RAB27A: variants seen among roughly 807,000 people sequenced by gnomAD.
RAB27A encodes ras-related protein Rab-27A.
Under a neutral mutation model 20.8 loss-of-function variants are expected in RAB27A, and 17 were observed. The ratio of observed to expected loss-of-function variants is 0.82; its 90% CI spans 0.56 to 1.23. The LOEUF (loss-of-function observed/expected upper bound fraction) is 1.23, where lower values mean the gene tolerates loss of function less well. RAB27A is among the 50% of genes most tolerant of loss of function. RAB27A has a pLI of 0.00. For missense variants in RAB27A, 277 were observed against 266.7 expected (o/e 1.04, Z -0.27); for synonymous variants, 85 against 92.8 (o/e 0.92, Z 0.48).
At chr15:55,245,350 A>T (rs1224533286) in intron 2 of RAB27A, among the ~76,000 whole-genome samples, 1 of 152,240 alleles carries the variant, frequency 6.6e-6, no homozygotes, top group Non-Finnish European at 1.5e-5. Flanking sequence ...TTATAAACAA[A>T]GAGCTCATCT....
intron 5 of RAB27A, among the ~76,000 whole-genome samples, chr15:55,224,488 T>A (rs534154140): frequency 6.6e-6 from 1 of 152,322 alleles, no homozygotes; most frequent in African/African-American, 2.4e-5. Context: ...GTTTTTCACA[T>A]TTTTCTATTA....
chr15:55,242,842 G>C (rs1284066978), intron 2 of RAB27A, among the ~76,000 whole-genome samples: 3 of 152,156 alleles, frequency 2.0e-5, no homozygotes, highest in African/African-American at 7.2e-5. Context: ...TAAATGAATA[G>C]TCTGAAATAA....
rs1407645026 is a variant in RAB27A at position 55,274,805 on chromosome 15, T to TACATATATATATATATATAC, written c.-142-4522_-142-4521insGTATATATATATATATATGT. On this transcript the variant is annotated intron_variant, in intron 1 of 6. Transcript: ENST00000336787. ...AAAAAATAAATAAATTATATATATA[T>TACATATATATATATATATAC]ATATATATATATATATATATGTATA... Among the ~76,000 whole-genome samples, 29 of 123,272 alleles carry TACATATATATATATATATAC rather than the reference T, an allele frequency of 2.4e-4. 1 individual carries two copies. Among genetic ancestry groups the TACATATATATATATATATAC allele is most frequent in the African/African-American group, 9.2e-4 (27 of 29,340 alleles). 80.9% of individuals were successfully genotyped at this position (123,272 alleles called of 152,430 possible). A position where few individuals can be genotyped will look rare whatever the true frequency, so the allele number is the denominator to read the frequency against.
chr15:55,214,719 G>A (rs1002684722), intron 6 of RAB27A, among the ~76,000 whole-genome samples: 28 of 152,114 alleles, frequency 1.8e-4, no homozygotes, highest in African/African-American at 6.8e-4. Context: ...TGAAGATAAT[G>A]CATCTCTGTC....
intron 2 of RAB27A, among the ~76,000 whole-genome samples, chr15:55,238,749 G>C (rs553714901): frequency 1.3e-5 from 2 of 152,282 alleles, no homozygotes; most frequent in African/African-American, 4.8e-5. Flanking sequence ...AGTCAACAAA[G>C]ATCACTTTCA....
intron 1 of RAB27A, chr15:55,317,152 C>T (rs1566943344): frequency 6.6e-6 from 1 of 151,960 alleles, no homozygotes; most frequent in Non-Finnish European, 1.5e-5. Context: ...CATAAAATGA[C>T]AAATATACAA....
chr15:55,279,831 A>G (rs1218733468), intron 1 of RAB27A, among the ~76,000 whole-genome samples: 2 of 152,194 alleles, frequency 1.3e-5, no homozygotes, highest in South Asian at 2.1e-4. Context: ...TAAGGCCTCA[A>G]TGTTAATGAC....
chr15:55,262,393 T>A (rs1445209137), intron 2 of RAB27A, among the ~76,000 whole-genome samples: 1 of 151,526 alleles, frequency 6.6e-6, no homozygotes, highest in Non-Finnish European at 1.5e-5. Context: ...TACAAAAAAA[T>A]TAGCCGGGCG....
chr15:55,300,230 AG>A (rs1017217499), intron 2 of RAB27A, among the ~76,000 whole-genome samples: 2 of 152,310 alleles, frequency 1.3e-5, no homozygotes, highest in Admixed American at 1.3e-4. Context: ...TACTCTCAAA[AG>A]ATTCATGAAA....
intron 6 of RAB27A, among the ~76,000 whole-genome samples, chr15:55,212,493 C>T (rs1186073357): frequency 6.6e-6 from 1 of 151,520 alleles, no homozygotes; most frequent in Admixed American, 6.6e-5. Flanking sequence ...TGAAGACATT[C>T]TGAATTTTAC....
At chr15:55,217,663 C>CCAAAAAA (rs1895371362) in intron 6 of RAB27A, among the ~76,000 whole-genome samples, 1 of 43,546 alleles carries the variant, frequency 2.3e-5, no homozygotes, top group Non-Finnish European at 4.3e-5. Context: ...CACTCCATCT[C>CCAAAAAA]AAAAAAAAAA....
chr15:55,318,000 A>C (rs950289910), intron 1 of RAB27A: 3 of 330,698 alleles, frequency 9.1e-6, no homozygotes, highest in African/African-American at 6.4e-5. Flanking sequence ...ATATAAATAC[A>C]TAAGGAGTAC....
chr15:55,278,533 A>C (rs1239304876), intron 1 of RAB27A, among the ~76,000 whole-genome samples: 1 of 146,376 alleles, frequency 6.8e-6, no homozygotes, highest in Non-Finnish European at 1.5e-5. Flanking sequence ...CCCAGGCTGG[A>C]GTGCAGTGGC....
intron 2 of RAB27A, among the ~76,000 whole-genome samples, chr15:55,262,667 C>T (rs1261872954): frequency 1.4e-5 from 2 of 147,294 alleles, no homozygotes; most frequent in Admixed American, 1.4e-4. Flanking sequence ...AGATCTCACT[C>T]TGTTGTCCAG....
intron 2 of RAB27A, among the ~76,000 whole-genome samples, chr15:55,250,398 T>C (rs1488405609): frequency 2.0e-5 from 3 of 152,258 alleles, no homozygotes; most frequent in African/African-American, 7.2e-5. Flanking sequence ...CTTTAACGTA[T>C]ACATGTTATT....
At chr15:55,282,249 A>G (rs930683799) in intron 1 of RAB27A, among the ~76,000 whole-genome samples, 11 of 152,218 alleles carry the variant, frequency 7.2e-5, no homozygotes, top group African/African-American at 2.4e-4. Flanking sequence ...AAGTATTAGA[A>G]TAAGAACATA....
chr15:55,245,265 A>T (rs1334412208), intron 2 of RAB27A, among the ~76,000 whole-genome samples: 1 of 152,212 alleles, frequency 6.6e-6, no homozygotes, highest in African/African-American at 2.4e-5. Flanking sequence ...CAGTTTACTC[A>T]TCTCAACTTC....
At chr15:55,319,098 AG>A in exon 1 of RAB27A, 1 of 873,820 alleles carries the variant, frequency 1.1e-6, no homozygotes, top group Non-Finnish European at 1.7e-6. Flanking sequence ...AACCGCAAGG[AG>A]GCCACCACGT....
In RAB27A at chr15:55,204,431, G is replaced by A. The variant is rs1219867472; in HGVS notation, c.*1076C>T. On this transcript the variant is annotated 3_prime_UTR_variant, in exon 7 of 7. Transcript: ENST00000336787. ...AGTACAAATGTGACTGCTTCAATAT[G>A]AACATCTATCTTCCACCAAATAGCA... The A allele has an allele frequency of 6.6e-6, 1 of 152,140 alleles. No individual in the cohort carries two copies. Among genetic ancestry groups the A allele is most frequent in the East Asian group, 1.9e-4 (1 of 5,180 alleles). The allele number at this position is 152,140 out of a possible 1,614,324, so 9.4% of individuals were successfully genotyped here.
Sources: gnomAD v4.1 joint callset for allele counts (sites outside exome capture counted in the v4.1 genomes callset) on GRCh38, gnomAD v4.1.1 for gene constraint, MANE v1.5 for transcripts, NCBI Gene and HGNC (gene_info 2026-07-23, HGNC 2026-07-21) for gene names.